PYGL: variants seen among roughly 807,000 people sequenced by gnomAD.
The protein encoded by PYGL is glycogen phosphorylase L, also known as glycogen phosphorylase, liver form.
A neutral mutation model predicts 100.1 loss-of-function variants in PYGL; 90 were observed. The observed-to-expected ratio is 0.90, with a 90% confidence interval of 0.76 to 1.07. PYGL has a LOEUF of 1.07. PYGL is among the 50% of genes least tolerant of loss of function. PYGL has a pLI of 0.00. For synonymous variants in PYGL, 373 were observed against 393.0 expected, an observed-to-expected ratio of 0.95 and a Z score of 0.60; for missense variants, 1,016 against 1,057.6, an observed-to-expected ratio of 0.96 and a Z score of 0.55.
Position 50,917,010 on chromosome 14 carries a change from A to T in PYGL, c.951T>A (p.Phe317Leu), listed in dbSNP as rs780628813. The T allele has an allele frequency of 3.1e-6, 5 of 1,614,076 alleles. No individual in the cohort carries two copies. The highest frequency in any genetic ancestry group is 4.2e-6 in the Non-Finnish European group (5 of 1,180,008). Residue 317 changes from phenylalanine (F) to leucine (L), a missense_variant, in exon 8 of 20, where the codon TTT becomes TTA. Physicochemically the swap from Phe to Leu is conservative, Grantham distance 22. Coordinates refer to ENST00000216392, the MANE Select transcript of PYGL (RefSeq NM_002863.5). Reference protein sequence around the residue: ...DIIRRFKASKFGSTRGAGTVF... With the variant: ...DIIRRFKASKLGSTRGAGTVF... ...CAGTTCCTGCACCACGGGTGGAGCC[A>T]AACTTGGAGGCTTTGAAACGGCGGA...
chr14:50,919,843 G>A (rs1444182857), intron 7 of PYGL, among the ~76,000 whole-genome samples: 3 of 152,040 alleles, frequency 2.0e-5, no homozygotes, highest in Non-Finnish European at 2.9e-5. Flanking sequence ...CATCACACCT[G>A]GCTAATTTTT....
intron 1 of PYGL, among the ~76,000 whole-genome samples, chr14:50,940,935 G>A (rs2050696948): frequency 6.6e-6 from 1 of 152,192 alleles, no homozygotes; most frequent in African/African-American, 2.4e-5. Context: ...ATAGAAATGT[G>A]GTAGGAAGGA....
intron 5 of PYGL, 165 bp from the exon 6 acceptor site, chr14:50,921,232 T>C (rs2050498212): frequency 9.7e-6 from 6 of 618,182 alleles, no homozygotes; most frequent in Non-Finnish European, 1.7e-5. Flanking sequence ...GCAGAGGGTA[T>C]TAGAGGAACA....
intron 9 of PYGL, among the ~76,000 whole-genome samples, chr14:50,916,379 A>G (rs1470786426): frequency 6.6e-6 from 1 of 152,188 alleles, no homozygotes. Flanking sequence ...AATCTTTTTC[A>G]ACACAAAAAT....
rs967080321 is a variant in PYGL, at chr14:50,915,311, C to T, written c.1403+25G>A. On this transcript the variant is annotated intron_variant, in intron 11 of 19. Coordinates refer to ENST00000216392, the MANE Select transcript of PYGL (RefSeq NM_002863.5). ...TCCATTAATGGATCAGTGTCAGACC[C>T]ACTGCCAGAGTAATGGAGGCTCACA... is the stretch of plus-strand genomic sequence containing the variant. The T allele has an allele frequency of 2.5e-6, 4 of 1,612,918 alleles. No homozygotes were observed. The African/African-American group carries it at 5.3e-5, about 22-fold the overall frequency.
chr14:50,912,274 C>A lies in PYGL; in HGVS notation c.1650G>T (p.Leu550=). 2 of 1,614,106 alleles carry A rather than the reference C, an allele frequency of 1.2e-6. No homozygotes were observed. Among genetic ancestry groups the A allele is most frequent in the Non-Finnish European group, 1.7e-6 (2 of 1,179,934 alleles). ...QENKLKFSQF[L]ETEYKVKINP... ...TGATCTTCACTTTGTACTCCGTCTCCAGGAACTGAGAAAACTTCAGCTTAT... is the reference window on the plus strand; with the variant it reads ...TGATCTTCACTTTGTACTCCGTCTCAAGGAACTGAGAAAACTTCAGCTTAT... The change falls in exon 14 of 20, where the codon CTG becomes CTT. Residue 550 remains leucine, a synonymous_variant. Transcript: ENST00000216392.
At chr14:50,926,506 T>C (rs1020854036) in intron 4 of PYGL, among the ~76,000 whole-genome samples, 22 of 151,120 alleles carry the variant, frequency 1.5e-4, no homozygotes, top group African/African-American at 5.3e-4. Flanking sequence ...GGTGGGCTGA[T>C]CATGAGGTCA....
At chr14:50,913,888 G>A (rs564063062) in intron 12 of PYGL, among the ~76,000 whole-genome samples, 31 of 152,032 alleles carry the variant, frequency 2.0e-4, no homozygotes, top group Non-Finnish European at 4.0e-4. Context: ...GGTGGTGGTG[G>A]TGGGGGTGGG....
intron 1 of PYGL, among the ~76,000 whole-genome samples, chr14:50,938,752 C>T (rs540483608): frequency 2.0e-5 from 3 of 152,280 alleles, no homozygotes; most frequent in South Asian, 2.1e-4. Context: ...GCAAACTCAT[C>T]TAAGTAGATT....
intron 19 of PYGL, among the ~76,000 whole-genome samples, chr14:50,906,153 A>G (rs1050180122): frequency 6.6e-6 from 1 of 152,242 alleles, no homozygotes; most frequent in Non-Finnish European, 1.5e-5. Context: ...CTTAATAAAA[A>G]TATATCAAAA....
chr14:50,931,799 A>G (rs1376137929), intron 3 of PYGL, 23 bp from the exon 4 acceptor site: 6 of 1,604,164 alleles, frequency 3.7e-6, no homozygotes, highest in Non-Finnish European at 5.1e-6. Flanking sequence ...GAGCACAGGC[A>G]AAAGATAGAG....
At chr14:50,908,013 T>C (rs1479292435) in intron 19 of PYGL, 17 of 348,268 alleles carry the variant, frequency 4.9e-5, no homozygotes, top group Non-Finnish European at 8.3e-5. Flanking sequence ...CAGAGCGAGA[T>C]CTGTCTCAAA....
Position 50,908,959 on chromosome 14 carries a change from T to C in PYGL, c.2178-4A>G. 1 of 1,177,046 alleles carries C rather than the reference T, an allele frequency of 8.5e-7. No homozygotes were observed. The highest frequency in any genetic ancestry group is 1.2e-6 in the Non-Finnish European group (1 of 820,218). 72.9% of individuals were successfully genotyped at this position (1,177,046 alleles called of 1,614,324 possible). ...ATAGTATTCTTTTGCCTCGTACCTG[T>C]GGGGTAGGGGTGGGTGGGTGATAAA... is the stretch of plus-strand genomic sequence containing the variant. On this transcript the variant is annotated splice_polypyrimidine_tract_variant and splice_region_variant and intron_variant, in intron 17 of 19. Transcript: ENST00000216392.
intron 19 of PYGL, chr14:50,908,051 C>G: frequency 2.5e-6 from 1 of 396,552 alleles, no homozygotes; most frequent in Non-Finnish European, 4.5e-6. Context: ...ATTACAACTC[C>G]TGCTGAAATG....
intron 12 of PYGL, 174 bp from the exon 13 acceptor site, chr14:50,913,304 C>T (rs549436686): frequency 1.9e-6 from 1 of 526,050 alleles, no homozygotes; most frequent in East Asian, 3.2e-5. Flanking sequence ...GAGAAGAACA[C>T]TTTTGCTAGT....
At chr14:50,921,753 T>A (rs1033195071) in intron 5 of PYGL, among the ~76,000 whole-genome samples, 2 of 152,200 alleles carry the variant, frequency 1.3e-5, no homozygotes, top group Non-Finnish European at 2.9e-5. Context: ...GCAAACAAAG[T>A]GACATTGTGA....
chr14:50,941,994 A>C (rs537479293), intron 1 of PYGL, among the ~76,000 whole-genome samples: 1 of 152,366 alleles, frequency 6.6e-6, no homozygotes, highest in African/African-American at 2.4e-5. Context: ...CTAAACACTC[A>C]GAAATGTACG....
intron 4 of PYGL, among the ~76,000 whole-genome samples, chr14:50,928,084 TA>T (rs1320628761): frequency 2.6e-5 from 4 of 151,766 alleles, no homozygotes; most frequent in African/African-American, 4.8e-5. Flanking sequence ...ATCTGTGGAG[TA>T]AAAGAGCCAA....
chr14:50,916,928 G>A (rs768417097), intron 8 of PYGL, 34 bp downstream of exon 8: 1 of 1,609,238 alleles, frequency 6.2e-7, no homozygotes, highest in South Asian at 1.1e-5. Context: ...ATCCCTCAGT[G>A]GACCCTAACT....
Sources: allele counts gnomAD v4.1 joint callset (sites outside exome capture counted in the v4.1 genomes callset), GRCh38; gene constraint gnomAD v4.1.1; transcripts MANE v1.5; gene names NCBI Gene and HGNC (gene_info 2026-07-23, HGNC 2026-07-21).